SYNPO2: variants seen among roughly 807,000 people sequenced by gnomAD.
SYNPO2 encodes the protein synaptopodin 2.
A neutral mutation model predicts 85.0 loss-of-function variants in SYNPO2; 56 were observed. The ratio of observed to expected loss-of-function variants is 0.66; its 90% CI spans 0.53 to 0.82. The LOEUF is 0.82. SYNPO2 is among the 40% of genes least tolerant of loss of function. The pLI, the probability that SYNPO2 is intolerant of heterozygous loss-of-function variation, is 0.00. For missense variants in SYNPO2, 1,575 were observed against 1,534.2 expected (o/e 1.03, Z -0.44); for synonymous variants, 602 against 591.1 (o/e 1.02, Z -0.27).
At chr4:118,967,415 A>T (rs767319315) in intron 1 of SYNPO2, among the ~76,000 whole-genome samples, 4 of 152,204 alleles carry the variant, frequency 2.6e-5, no homozygotes, top group Non-Finnish European at 5.9e-5. Flanking sequence ...TATGCTTAAG[A>T]GCCAGCGTTC....
At chr4:119,045,742 A>G (rs1738852041) in intron 4 of SYNPO2, among the ~76,000 whole-genome samples, 1 of 152,208 alleles carries the variant, frequency 6.6e-6, no homozygotes, top group South Asian at 2.1e-4. Flanking sequence ...AAATAAACTT[A>G]AATAAGGCTG....
Position 119,031,998 on chromosome 4 carries a change from T to C in SYNPO2, c.3223T>C (p.Ser1075Pro). The C allele has an allele frequency of 6.2e-7, 1 of 1,614,226 alleles. No individual in the cohort carries two copies. The highest frequency in any genetic ancestry group is 1.7e-5 in the Admixed American group (1 of 60,022). ...TTTTGTGGCACCAAGGCCAAAGTTCTCAGCCAAGAAAAGTGGTGTCACAAT... is the reference window on the plus strand; with the variant it reads ...TTTTGTGGCACCAAGGCCAAAGTTCCCAGCCAAGAAAAGTGGTGTCACAAT... ...SYFVAPRPKF[S>P]AKKSGVTIQE... Residue 1075 changes from serine (S) to proline (P), a missense_variant, in exon 4 of 5, where the codon TCA becomes CCA. Physicochemically the swap from Ser to Pro is moderately conservative, Grantham distance 74 (BLOSUM62 -1). Around this residue, in one of 3 missense-constraint regions of SYNPO2, gnomAD observed 1,508 missense variants for 1,446.8 expected, o/e 1.04. Coordinates refer to ENST00000307142, the MANE Select transcript of SYNPO2 (RefSeq NM_133477.3).
At chr4:118,921,262 T>A (rs989662489) in intron 1 of SYNPO2, among the ~76,000 whole-genome samples, 99 of 152,292 alleles carry the variant, frequency 6.5e-4, no homozygotes, top group African/African-American at 2.3e-3. Flanking sequence ...GATTTCATGG[T>A]CAGTCCACTG....
In SYNPO2 at chr4:118,863,988, G is replaced by A. The variant is rs142623830; in HGVS notation, c.12+13048G>A. Among the ~76,000 whole-genome samples, 1,030 of 151,762 alleles carry A rather than the reference G, an allele frequency of 6.8e-3. 10 individuals are homozygous for A. The highest frequency in any genetic ancestry group is 0.024 in the African/African-American group (978 of 41,384). ...CTGATCTTTATTATTTCTTTTCTTC[G>A]ACTAATTTTGGGTTTGGTTTGCTCT... On this transcript the variant is annotated intron_variant, in intron 1 of 4. Transcript: ENST00000610556.
intron 1 of SYNPO2, among the ~76,000 whole-genome samples, chr4:118,930,424 A>G (rs971591000): frequency 3.3e-5 from 5 of 152,104 alleles, no homozygotes; most frequent in Non-Finnish European, 7.4e-5. Flanking sequence ...TAGCATTTGC[A>G]TATTGTATGG....
Position 119,057,709 on chromosome 4 carries a change from GA to G in SYNPO2, c.3563del (p.Lys1188ArgfsTer58). On this transcript the variant is annotated frameshift_variant, in exon 5 of 5. Coordinates refer to ENST00000307142, the MANE Select transcript of SYNPO2 (RefSeq NM_133477.3). LOFTEE classifies it low-confidence loss of function (END_TRUNC). ...GACTGTCCTATATTCCTCAAACCCAGAAGGCCTATATGGGCTCATGTGGAAG... is the reference window on the plus strand; with the variant it reads ...GACTGTCCTATATTCCTCAAACCCAGAGGCCTATATGGGCTCATGTGGAAG... The part of the protein sequence containing the change: ...ERLSYIPQTQ[K>X]AYMGSCGRQE... 1 of 1,614,134 alleles carries G rather than the reference GA, an allele frequency of 6.2e-7. No homozygotes were observed. The highest frequency in any genetic ancestry group is 1.3e-5 in the African/African-American group (1 of 75,026).
chr4:118,983,578 T>A (rs10028758), intron 1 of SYNPO2, among the ~76,000 whole-genome samples: 62,579 of 151,968 alleles, frequency 0.41, 13,054 homozygotes, highest in South Asian at 0.59. Context: ...ACTTTCTTCA[T>A]CAGAATTCAA....
Position 119,031,699 on chromosome 4 carries a change from C to G in SYNPO2, c.2924C>G (p.Ser975Cys). The change falls in exon 4 of 5, where the codon TCC becomes TGC. Residue 975 changes from serine to cysteine, a missense_variant. Coordinates refer to ENST00000307142, the MANE Select transcript of SYNPO2 (RefSeq NM_133477.3). ...MKHQPYQLNA[S>C]LFTFQPPDAK... ...CACCAACCGTATCAGCTCAATGCAT[C>G]CTTGTTTACTTTCCAACCTCCAGAT... is the stretch of plus-strand genomic sequence containing the variant. The G allele has an allele frequency of 1.9e-6, 3 of 1,614,204 alleles. No individual in the cohort carries two copies. The highest frequency in any genetic ancestry group is 1.1e-5 in the South Asian group (1 of 91,086).
At chr4:118,951,745 T>C (rs1734705690) in intron 1 of SYNPO2, among the ~76,000 whole-genome samples, 1 of 152,200 alleles carries the variant, frequency 6.6e-6, no homozygotes, top group Non-Finnish European at 1.5e-5. Flanking sequence ...TTTTTCATAA[T>C]AAAATTCATG....
intron 1 of SYNPO2, among the ~76,000 whole-genome samples, chr4:118,927,697 GAGATAGATAGATAGATAGAT>G (rs70944821): frequency 2.0e-4 from 25 of 124,864 alleles, no homozygotes; most frequent in Non-Finnish European, 1.0e-4. Flanking sequence ...ATTAAACAAT[GAGATAGATAGATAGATAGAT>G]AGATAGATAG....
chr4:118,930,091 T>G (rs188485327), intron 1 of SYNPO2, among the ~76,000 whole-genome samples: 181 of 152,314 alleles, frequency 1.2e-3, no homozygotes, highest in Non-Finnish European at 1.9e-3. Flanking sequence ...CAAGCAGAGA[T>G]AATATAGATG....
chr4:119,031,673 G>A lies in SYNPO2; in HGVS notation c.2898G>A (p.Lys966=), dbSNP rs768099509. The A allele has an allele frequency of 1.9e-6, 3 of 1,614,170 alleles. No homozygotes were observed. Among genetic ancestry groups the A allele is most frequent in the Admixed American group, 3.3e-5 (2 of 60,022 alleles). The change falls in exon 4 of 5, where the codon AAG becomes AAA. Residue 966 remains lysine (K), a synonymous_variant. Transcript: ENST00000307142. The part of the protein sequence containing the change: ...KKPLNALDVM[K]HQPYQLNASL... Reference sequence around the variant, plus strand: ...CCCTCAATGCATTAGATGTCATGAAGCACCAACCGTATCAGCTCAATGCAT... The same window carrying A: ...CCCTCAATGCATTAGATGTCATGAAACACCAACCGTATCAGCTCAATGCAT...
intron 1 of SYNPO2, among the ~76,000 whole-genome samples, chr4:119,022,879 C>G (rs1051364705): frequency 2.0e-5 from 3 of 151,790 alleles, no homozygotes; most frequent in Non-Finnish European, 4.4e-5. Flanking sequence ...CGGGCTCATG[C>G]AATTCTCCTG....
At position 119,027,404 on chromosome 4, in the gene SYNPO2, C is replaced by T; in HGVS notation, c.1035C>T (p.His345=). ...QGEDPRSEKD[H]SRPHKHRARH... is the part of the protein sequence containing the mutation. ...AAGATCCACGCTCGGAAAAAGATCACAGCAGACCTCACAAGCACCGAGCGC... is the reference window on the plus strand; with the variant it reads ...AAGATCCACGCTCGGAAAAAGATCATAGCAGACCTCACAAGCACCGAGCGC... Residue 345 remains histidine (H), a synonymous_variant, in exon 3 of 5, where the codon CAC becomes CAT. Transcript: ENST00000307142. 1 of 1,610,040 alleles carries T rather than the reference C, an allele frequency of 6.2e-7. No homozygotes were observed.
chr4:118,860,442 C>A (rs1282098083), intron 1 of SYNPO2, among the ~76,000 whole-genome samples: 1 of 152,016 alleles, frequency 6.6e-6, no homozygotes, highest in Non-Finnish European at 1.5e-5. Context: ...TGGGGTTTTG[C>A]CATGTTGCCC....
intron 4 of SYNPO2, among the ~76,000 whole-genome samples, chr4:119,038,898 T>C (rs78278812): frequency 1.2e-4 from 1 of 8,326 alleles, no homozygotes; most frequent in African/African-American, 3.8e-4. Flanking sequence ...TTTCCAGTGG[T>C]TTTTTTTTTT....
chr4:119,031,088 A>C lies in SYNPO2; in HGVS notation c.2313A>C (p.Gln771His). Reference protein sequence around the residue: ...PKPAVKSSSSQPVTPVSPVWS... With the variant: ...PKPAVKSSSSHPVTPVSPVWS... The stretch of plus-strand genomic sequence containing the variant: ...CTGCAGTCAAGTCCTCATCCTCCCA[A>C]CCAGTAACTCCAGTTTCCCCAGTCT... Residue 771 changes from glutamine to histidine, a missense_variant, in exon 4 of 5, where the codon CAA (glutamine) becomes CAC (histidine). Coordinates refer to ENST00000307142, the MANE Select transcript of SYNPO2 (RefSeq NM_133477.3). The C allele has an allele frequency of 6.2e-7, 1 of 1,613,928 alleles. No homozygotes were observed. Among genetic ancestry groups the C allele is most frequent in the Non-Finnish European group, 8.5e-7 (1 of 1,179,944 alleles).
chr4:118,981,188 CA>C (rs1227737046), intron 1 of SYNPO2, among the ~76,000 whole-genome samples: 2 of 152,202 alleles, frequency 1.3e-5, no homozygotes, highest in Non-Finnish European at 2.9e-5. Context: ...AACAATGCAA[CA>C]AACCATGAAG....
At chr4:118,878,964 C>T (rs1228771506) in intron 1 of SYNPO2, among the ~76,000 whole-genome samples, 2 of 152,216 alleles carry the variant, frequency 1.3e-5, no homozygotes, top group African/African-American at 2.4e-5. Context: ...AGAGCTGTAA[C>T]ACTCACTGCG....
Sources: allele counts gnomAD v4.1 joint callset (sites outside exome capture counted in the v4.1 genomes callset), GRCh38; gene constraint gnomAD v4.1.1; regional missense constraint gnomAD v4.1.1; transcripts MANE v1.5; gene names NCBI Gene and HGNC (gene_info 2026-07-23, HGNC 2026-07-21).